Variants in ETV6 observed in about 807,000 individuals in gnomAD.
The protein encoded by ETV6 is ETS variant transcription factor 6.
A neutral mutation model predicts 51.1 loss-of-function variants in ETV6; 16 were observed. That is an observed-to-expected ratio of 0.31 (90% CI 0.21 to 0.48). ETV6 has a LOEUF of 0.48. Ranked by LOEUF, ETV6 falls within the 20% of genes least tolerant of loss-of-function variation. The pLI is 0.99. For synonymous variants in ETV6, 240 were observed against 224.1 expected (o/e 1.07, Z -0.64); for missense variants, 458 against 594.8 (o/e 0.77, Z 2.39).
chr12:11,828,913 CT>C (rs1327063500), intron 2 of ETV6, among the ~76,000 whole-genome samples: 4 of 152,078 alleles, frequency 2.6e-5, no homozygotes, highest in Non-Finnish European at 4.4e-5. Flanking sequence ...ATTACTGAAA[CT>C]TTTTAAAGGT....
intron 2 of ETV6, among the ~76,000 whole-genome samples, chr12:11,765,240 T>C (rs1003998114): frequency 2.0e-5 from 3 of 152,226 alleles, no homozygotes; most frequent in African/African-American, 7.2e-5. Context: ...TGGTAAATAC[T>C]GTCCCTTTCA....
intron 4 of ETV6, among the ~76,000 whole-genome samples, chr12:11,864,210 T>C (rs1215553682): frequency 1.3e-5 from 2 of 152,152 alleles, no homozygotes; most frequent in Non-Finnish European, 2.9e-5. Flanking sequence ...AAGTTCTTCC[T>C]CTCCTGGTCC....
chr12:11,791,569 T>C (rs746739386), intron 2 of ETV6, among the ~76,000 whole-genome samples: 4 of 152,254 alleles, frequency 2.6e-5, no homozygotes, highest in Non-Finnish European at 5.9e-5. Context: ...AGTTGTAGCT[T>C]TGTATTCGTG....
At chr12:11,651,625 A>G (rs1468960198) in intron 1 of ETV6, among the ~76,000 whole-genome samples, 2 of 152,216 alleles carry the variant, frequency 1.3e-5, no homozygotes, top group African/African-American at 4.8e-5. Context: ...TTTGATATTA[A>G]TACTTCAAAA....
intron 2 of ETV6, among the ~76,000 whole-genome samples, chr12:11,792,691 A>G (rs1021596738): frequency 2.0e-5 from 3 of 151,858 alleles, no homozygotes; most frequent in Non-Finnish European, 4.4e-5. Context: ...CATCTCAAAA[A>G]AAAAAAAAAT....
chr12:11,801,160 G>A (rs1452234781), intron 2 of ETV6, among the ~76,000 whole-genome samples: 2 of 152,140 alleles, frequency 1.3e-5, no homozygotes. Context: ...TGGCAAATAC[G>A]TGAACAGAGA....
chr12:11,844,392 T>C (rs535221057), intron 3 of ETV6, among the ~76,000 whole-genome samples: 2 of 152,328 alleles, frequency 1.3e-5, no homozygotes, highest in South Asian at 4.1e-4. Context: ...TCTTTTCATA[T>C]ACTAGAGTGT....
chr12:11,755,041 T>C (rs1944987360), intron 2 of ETV6, among the ~76,000 whole-genome samples: 1 of 152,250 alleles, frequency 6.6e-6, no homozygotes, highest in African/African-American at 2.4e-5. Flanking sequence ...TAGGATCTTA[T>C]ATCCACTATA....
intron 2 of ETV6, among the ~76,000 whole-genome samples, chr12:11,767,259 C>G (rs1252613208): frequency 2.0e-5 from 3 of 152,182 alleles, no homozygotes; most frequent in Non-Finnish European, 4.4e-5. Context: ...ACAGTCATAC[C>G]TTTTTCACAT....
intron 2 of ETV6, among the ~76,000 whole-genome samples, chr12:11,769,766 C>T (rs569408896): frequency 6.6e-6 from 1 of 152,156 alleles, no homozygotes; most frequent in African/African-American, 2.4e-5. Flanking sequence ...TGAGGAAGTG[C>T]GGGAAGGTGG....
chr12:11,806,987 C>T (rs535021239), intron 2 of ETV6, among the ~76,000 whole-genome samples: 2 of 152,292 alleles, frequency 1.3e-5, no homozygotes, highest in South Asian at 4.1e-4. Flanking sequence ...GGTGTTCCAC[C>T]GATTAAATCA....
intron 2 of ETV6, among the ~76,000 whole-genome samples, chr12:11,804,906 G>T (rs779872163): frequency 6.6e-6 from 1 of 152,174 alleles, no homozygotes; most frequent in Non-Finnish European, 1.5e-5. Flanking sequence ...AAGAAATCCT[G>T]TGGGCTCCTC....
chr12:11,663,844 T>C (rs1391311647), intron 1 of ETV6, among the ~76,000 whole-genome samples: 1 of 152,230 alleles, frequency 6.6e-6, no homozygotes, highest in Non-Finnish European at 1.5e-5. Context: ...TACGTGCTTC[T>C]ATGTTAGTGT....
At chr12:11,751,841 T>A in intron 1 of ETV6, 1 of 510,004 alleles carries the variant, frequency 2.0e-6, no homozygotes, top group Admixed American at 2.0e-5. Flanking sequence ...TTCCTAGCAA[T>A]GAAGGAAAAA....
intron 1 of ETV6, among the ~76,000 whole-genome samples, chr12:11,731,156 G>A (rs950581747): frequency 6.6e-6 from 1 of 152,212 alleles, no homozygotes; most frequent in African/African-American, 2.4e-5. Context: ...GCAATAAGAA[G>A]AGTCATGACT....
chr12:11,879,538 AT>A (rs1046320139), intron 5 of ETV6, among the ~76,000 whole-genome samples: 2 of 152,174 alleles, frequency 1.3e-5, no homozygotes. Context: ...ACAGGAAGGG[AT>A]TTTTTACAAT....
chr12:11,706,226 T>A (rs1422294491), intron 1 of ETV6, among the ~76,000 whole-genome samples: 1 of 152,242 alleles, frequency 6.6e-6, no homozygotes, highest in Non-Finnish European at 1.5e-5. Flanking sequence ...TTAAAAATAT[T>A]TGCTTTTGCT....
rs1947311617 is a variant in ETV6, at chr12:11,892,567, C to T, written c.*1521C>T. The T allele has an allele frequency of 4.3e-6, 1 of 231,948 alleles. No individual in the cohort carries two copies. The highest frequency in any genetic ancestry group is 8.5e-6 in the Non-Finnish European group (1 of 117,756). 14.4% of individuals were successfully genotyped at this position (231,948 alleles called of 1,614,324 possible). On this transcript the variant is annotated 3_prime_UTR_variant, in exon 8 of 8. Transcript: ENST00000396373. ...TCTTCCAATATAGGTCTCAGAAATC[C>T]AATATTTGGAGTACAATTTCTTTTA...
intron 1 of ETV6, among the ~76,000 whole-genome samples, chr12:11,688,515 A>G (rs1016460266): frequency 6.6e-6 from 1 of 152,172 alleles, no homozygotes; most frequent in Non-Finnish European, 1.5e-5. Flanking sequence ...CTATCAGGCA[A>G]AACCTCACTG....
Sources: allele counts gnomAD v4.1 joint callset (sites outside exome capture counted in the v4.1 genomes callset), GRCh38; gene constraint gnomAD v4.1.1; transcripts MANE v1.5; gene names NCBI Gene and HGNC (gene_info 2026-07-23, HGNC 2026-07-21).